Variants in CDH19 observed in about 807,000 individuals in gnomAD.
The protein encoded by CDH19 is cadherin-19.
A neutral mutation model predicts 64.2 loss-of-function variants in CDH19; 67 were observed. That is an observed-to-expected ratio of 1.04 (90% CI 0.86 to 1.28). CDH19 has a LOEUF of 1.28. Ranked by LOEUF, CDH19 falls within the 50% of genes most tolerant of loss-of-function variation. The probability of loss-of-function intolerance (pLI) is 0.00; values close to 1 mark genes in which losing one functional copy is unlikely to be tolerated. For synonymous variants in CDH19, 346 were observed against 319.3 expected, an observed-to-expected ratio of 1.08 and a Z score of -0.89; for missense variants, 1,030 against 929.0, an observed-to-expected ratio of 1.11 and a Z score of -1.41.
chr18:66,585,462 G>A (rs555130581), intron 1 of CDH19, among the ~76,000 whole-genome samples: 4 of 152,072 alleles, frequency 2.6e-5, no homozygotes, highest in South Asian at 2.1e-4. Context: ...CGAATAGCTC[G>A]ACCTCTGGTT....
chr18:66,590,575 TA>T (rs1988715110), intron 1 of CDH19, among the ~76,000 whole-genome samples: 1 of 151,768 alleles, frequency 6.6e-6, no homozygotes, highest in Admixed American at 6.6e-5. Flanking sequence ...CACTTATTTA[TA>T]GAACAGTGTT....
At chr18:66,547,093 T>A (rs143120146) in intron 5 of CDH19, among the ~76,000 whole-genome samples, 2 of 152,084 alleles carry the variant, frequency 1.3e-5, no homozygotes, top group East Asian at 3.9e-4. Context: ...AGGAGAACAA[T>A]GGTGTAAGCA....
chr18:66,551,852 A>C (rs1378497628), intron 4 of CDH19, among the ~76,000 whole-genome samples: 2 of 152,056 alleles, frequency 1.3e-5, no homozygotes, highest in Non-Finnish European at 1.5e-5. Context: ...TACATTTATT[A>C]ACTATCACTG....
intron 9 of CDH19, among the ~76,000 whole-genome samples, chr18:66,527,038 T>TAC (rs1986247922): frequency 9.2e-6 from 1 of 108,558 alleles, no homozygotes; most frequent in Non-Finnish European, 1.8e-5. Context: ...TAAATATGTA[T>TAC]ATATATATAT....
At chr18:66,537,829 C>A (rs1361624271) in intron 7 of CDH19, among the ~76,000 whole-genome samples, 2 of 151,898 alleles carry the variant, frequency 1.3e-5, no homozygotes, top group African/African-American at 4.8e-5. Flanking sequence ...GTCCTTTGAG[C>A]AGACATCAGC....
At chr18:66,512,250 G>T (rs1006375467) in intron 9 of CDH19, among the ~76,000 whole-genome samples, 2 of 151,452 alleles carry the variant, frequency 1.3e-5, no homozygotes, top group African/African-American at 4.8e-5. Flanking sequence ...CATCAAATAA[G>T]TTCATCTCTA....
intron 5 of CDH19, among the ~76,000 whole-genome samples, chr18:66,548,256 T>C (rs1262860880): frequency 6.7e-5 from 6 of 90,064 alleles, no homozygotes; most frequent in African/African-American, 3.0e-4. Flanking sequence ...TATATATATA[T>C]ATATATTTTT....
chr18:66,581,371 C>T (rs905095846), intron 1 of CDH19, among the ~76,000 whole-genome samples: 3 of 151,892 alleles, frequency 2.0e-5, no homozygotes, highest in African/African-American at 7.2e-5. Flanking sequence ...TATTAGGTGT[C>T]AACTTGATTG....
chr18:66,534,882 A>T, intron 8 of CDH19, 104 bp downstream of exon 8: 1 of 728,748 alleles, frequency 1.4e-6, no homozygotes, highest in Non-Finnish European at 2.1e-6. Flanking sequence ...TCATTTAAAT[A>T]ATTCCAACAA....
At chr18:66,570,095 T>C (rs764850260) in intron 2 of CDH19, among the ~76,000 whole-genome samples, 3 of 151,602 alleles carry the variant, frequency 2.0e-5, no homozygotes, top group Non-Finnish European at 3.0e-5. Flanking sequence ...ATGTAAGAAA[T>C]TGAGGAACAA....
chr18:66,509,345 C>G (rs2144339779), intron 10 of CDH19, 99 bp from the exon 11 acceptor site: 3 of 976,200 alleles, frequency 3.1e-6, no homozygotes, highest in East Asian at 2.6e-5. Flanking sequence ...GAGATATGAT[C>G]AAGTAAGTTC....
chr18:66,561,254 C>G (rs994025885), intron 3 of CDH19, among the ~76,000 whole-genome samples: 1 of 152,020 alleles, frequency 6.6e-6, no homozygotes, highest in Non-Finnish European at 1.5e-5. Context: ...TTTTGTAAAA[C>G]AGAAAATCTG....
At chr18:66,520,341 G>GTTTT (rs368834150) in intron 9 of CDH19, among the ~76,000 whole-genome samples, 1,332 of 132,912 alleles carry the variant, frequency 0.01, 35 homozygotes, top group African/African-American at 0.032. Context: ...GAAAATAGCT[G>GTTTT]TTTTTTTTTT....
At chr18:66,592,981 TA>T (rs1401942617) in intron 1 of CDH19, among the ~76,000 whole-genome samples, 1 of 151,898 alleles carries the variant, frequency 6.6e-6, no homozygotes, top group Non-Finnish European at 1.5e-5. Flanking sequence ...GAAACCTTCA[TA>T]CTGTTTTACA....
At chr18:66,558,762 GC>G (rs1250099499) in intron 3 of CDH19, among the ~76,000 whole-genome samples, 2 of 151,990 alleles carry the variant, frequency 1.3e-5, no homozygotes, top group Non-Finnish European at 2.9e-5. Flanking sequence ...GTCTTATAGT[GC>G]CCCTTTCCTA....
chr18:66,506,204 A>G (rs549381808), intron 11 of CDH19, among the ~76,000 whole-genome samples: 2 of 152,112 alleles, frequency 1.3e-5, no homozygotes, highest in East Asian at 3.9e-4. Flanking sequence ...AGGTTATTCA[A>G]TTGGTGCAAA....
At chr18:66,585,152 T>A (rs1988539400) in intron 1 of CDH19, among the ~76,000 whole-genome samples, 1 of 151,920 alleles carries the variant, frequency 6.6e-6, no homozygotes, top group Non-Finnish European at 1.5e-5. Context: ...TCAAGTGAAA[T>A]AAAGAAACGG....
intron 7 of CDH19, among the ~76,000 whole-genome samples, chr18:66,537,539 T>C (rs574289910): frequency 6.6e-6 from 1 of 152,184 alleles, no homozygotes; most frequent in South Asian, 2.1e-4. Context: ...TTTTTTCTTC[T>C]GTAATTCATA....
chr18:66,524,544 A>G (rs200844374), intron 9 of CDH19, among the ~76,000 whole-genome samples: 15,813 of 100,130 alleles, frequency 0.16, 1,164 homozygotes, highest in Admixed American at 0.22. Flanking sequence ...GTTTGTGTGT[A>G]TATATATATA....
Sources: allele counts gnomAD v4.1 joint callset (sites outside exome capture counted in the v4.1 genomes callset), GRCh38; gene constraint gnomAD v4.1.1; transcripts MANE v1.5; gene names NCBI Gene and HGNC (gene_info 2026-07-23, HGNC 2026-07-21).